Variants in DSCAM observed in about 807,000 individuals in gnomAD.
DSCAM encodes the protein cell adhesion molecule DSCAM.
DSCAM carries 47 observed loss-of-function variants against 217.7 expected under a neutral mutation model. That is an observed-to-expected ratio of 0.22 (90% CI 0.17 to 0.28). DSCAM has a LOEUF of 0.28. DSCAM is among the 10% of genes least tolerant of loss of function. DSCAM has a pLI of 1.00. For synonymous variants in DSCAM, 1,056 were observed against 1,015.3 expected (o/e 1.04, Z -0.76); for missense variants, 2,080 against 2,618.3 (o/e 0.79, Z 4.49).
chr21:40,561,665 T>G (rs2076721256), intron 3 of DSCAM, among the ~76,000 whole-genome samples: 3 of 152,230 alleles, frequency 2.0e-5, no homozygotes, highest in African/African-American at 7.2e-5. Flanking sequence ...GGTTTTCTTA[T>G]CTTTCTCTTT....
chr21:40,452,459 T>C (rs1206392848), intron 3 of DSCAM, among the ~76,000 whole-genome samples: 1 of 152,014 alleles, frequency 6.6e-6, no homozygotes, highest in African/African-American at 2.4e-5. Context: ...AGTGATATCG[T>C]ATGCAATTCT....
chr21:40,835,896 T>G (rs1379086858), intron 1 of DSCAM, among the ~76,000 whole-genome samples: 1 of 152,322 alleles, frequency 6.6e-6, no homozygotes, highest in East Asian at 1.9e-4. Context: ...CTCTTTTTTC[T>G]GACAACTTAG....
intron 11 of DSCAM, among the ~76,000 whole-genome samples, chr21:40,211,927 G>A (rs1283095665): frequency 6.6e-6 from 1 of 151,226 alleles, no homozygotes; most frequent in Admixed American, 6.6e-5. Context: ...ATTTGTGTGT[G>A]TGTGGGTTTT....
intron 3 of DSCAM, among the ~76,000 whole-genome samples, chr21:40,583,091 G>T (rs1213267784): frequency 6.6e-6 from 1 of 152,150 alleles, no homozygotes; most frequent in Non-Finnish European, 1.5e-5. Flanking sequence ...GATCACTTCA[G>T]AATTCAGGCA....
At chr21:40,578,563 G>A (rs573623559) in intron 3 of DSCAM, among the ~76,000 whole-genome samples, 1 of 152,186 alleles carries the variant, frequency 6.6e-6, no homozygotes, top group Non-Finnish European at 1.5e-5. Flanking sequence ...GAGAATAAAA[G>A]CTGGCCACTG....
chr21:40,214,204 T>G (rs970332076), intron 11 of DSCAM, among the ~76,000 whole-genome samples: 1 of 152,226 alleles, frequency 6.6e-6, no homozygotes, highest in African/African-American at 2.4e-5. Context: ...CAACTAGTCA[T>G]AGCTATCAGC....
chr21:40,661,086 T>G (rs1475516949), intron 3 of DSCAM, among the ~76,000 whole-genome samples: 3 of 152,232 alleles, frequency 2.0e-5, no homozygotes, highest in Non-Finnish European at 4.4e-5. Context: ...TAGAGCATTT[T>G]GTTACATAGT....
intron 20 of DSCAM, among the ~76,000 whole-genome samples, chr21:40,096,068 G>T (rs995766931): frequency 2.7e-4 from 41 of 152,278 alleles, no homozygotes; most frequent in Non-Finnish European, 2.2e-4. Flanking sequence ...ACTGCTTAGG[G>T]CAAACCTGCC....
chr21:40,382,411 T>A (rs1046568870), intron 3 of DSCAM, among the ~76,000 whole-genome samples: 4 of 152,218 alleles, frequency 2.6e-5, no homozygotes, highest in African/African-American at 9.6e-5. Context: ...CTCAAACACA[T>A]GCTTTGAGAC....
At chr21:40,143,904 GC>G (rs1191754302) in intron 17 of DSCAM, among the ~76,000 whole-genome samples, 1 of 152,092 alleles carries the variant, frequency 6.6e-6, no homozygotes, top group African/African-American at 2.4e-5. Flanking sequence ...TTAACTTCCT[GC>G]CTAAAACACT....
At chr21:40,683,262 C>A (rs1369050112) in intron 3 of DSCAM, among the ~76,000 whole-genome samples, 2 of 152,152 alleles carry the variant, frequency 1.3e-5, no homozygotes, top group Non-Finnish European at 2.9e-5. Flanking sequence ...AGAAACTGGA[C>A]CAGGAGACAG....
At chr21:40,647,362 G>GA (rs1480186245) in intron 3 of DSCAM, among the ~76,000 whole-genome samples, 3 of 152,010 alleles carry the variant, frequency 2.0e-5, no homozygotes, top group Non-Finnish European at 4.4e-5. Flanking sequence ...ATATAGTTGA[G>GA]AAAATAATTA....
intron 3 of DSCAM, among the ~76,000 whole-genome samples, chr21:40,452,274 C>CACACACACACA (rs1239636245): frequency 3.3e-3 from 282 of 86,486 alleles, no homozygotes; most frequent in Middle Eastern, 0.012. Context: ...ACACAGGTAT[C>CACACACACACA]CTGGAGGTAT....
chr21:40,308,458 A>G (rs2074103899), intron 9 of DSCAM, among the ~76,000 whole-genome samples: 1 of 152,230 alleles, frequency 6.6e-6, no homozygotes, highest in Non-Finnish European at 1.5e-5. Context: ...CACCCTGTGC[A>G]TGTGAAGAAC....
chr21:40,525,488 T>C (rs1334263362), intron 3 of DSCAM, among the ~76,000 whole-genome samples: 1 of 152,212 alleles, frequency 6.6e-6, no homozygotes, highest in Middle Eastern at 3.2e-3. Context: ...ATCTCCAATG[T>C]CATGAAACAA....
At chr21:40,311,960 T>TA (rs1491367786) in intron 9 of DSCAM, 121 bp downstream of exon 9, 1 of 321,148 alleles carries the variant, frequency 3.1e-6, no homozygotes, top group Non-Finnish European at 4.8e-6. Context: ...TTTTTTTTTT[T>TA]AGTGAGATAA....
chr21:40,165,996 C>T (rs1399890109), intron 16 of DSCAM, among the ~76,000 whole-genome samples: 4 of 152,158 alleles, frequency 2.6e-5, no homozygotes, highest in South Asian at 2.1e-4. Flanking sequence ...AGTCATATCA[C>T]GCTGCCCGCT....
chr21:40,535,971 CTG>C (rs1199012768), intron 3 of DSCAM, among the ~76,000 whole-genome samples: 2 of 152,204 alleles, frequency 1.3e-5, no homozygotes, highest in Non-Finnish European at 2.9e-5. Flanking sequence ...GAGGTAAGTG[CTG>C]TGGCCAATTC....
At chr21:40,475,238 CA>C (rs1221705043) in intron 3 of DSCAM, among the ~76,000 whole-genome samples, 1 of 152,236 alleles carries the variant, frequency 6.6e-6, no homozygotes, top group Non-Finnish European at 1.5e-5. Context: ...TTTAAACCTT[CA>C]AAATCTGCTT....
Sources: gnomAD v4.1 joint callset for allele counts (sites outside exome capture counted in the v4.1 genomes callset) on GRCh38, gnomAD v4.1.1 for gene constraint, MANE v1.5 for transcripts, NCBI Gene and HGNC (gene_info 2026-07-23, HGNC 2026-07-21) for gene names.